DNAH8: variants seen among roughly 807,000 people sequenced by gnomAD.
The protein encoded by DNAH8 is axonemal beta dynein heavy chain 8.
A neutral mutation model predicts 562.1 loss-of-function variants in DNAH8; 382 were observed. The observed-to-expected ratio is 0.68, with a 90% CI of 0.63 to 0.74. DNAH8 has a LOEUF of 0.74. DNAH8 is among the 30% of genes least tolerant of loss of function. The probability of loss-of-function intolerance (pLI) is 0.00; values close to 1 mark genes in which losing one functional copy is unlikely to be tolerated. For synonymous variants in DNAH8, 1,881 were observed against 1,919.4 expected, an observed-to-expected ratio of 0.98 and a Z score of 0.52; for missense variants, 5,203 against 5,620.4, an observed-to-expected ratio of 0.93 and a Z score of 2.37.
chr6:38,838,128 C>A, intron 33 of DNAH8, 86 bp downstream of exon 33: 1 of 831,350 alleles, frequency 1.2e-6, no homozygotes, highest in South Asian at 1.6e-5. Flanking sequence ...AATCCTTTAT[C>A]ATGCAGAGGA....
chr6:38,963,491 A>G (rs1762767144), intron 82 of DNAH8, among the ~76,000 whole-genome samples: 1 of 129,544 alleles, frequency 7.7e-6, no homozygotes, highest in South Asian at 2.9e-4. Flanking sequence ...CAGCCTCCCA[A>G]GTAGCTGGGA....
At chr6:38,778,631 A>T (rs779469491) in intron 14 of DNAH8, among the ~76,000 whole-genome samples, 167 bp downstream of exon 14, 6 of 152,238 alleles carry the variant, frequency 3.9e-5, no homozygotes, top group Non-Finnish European at 7.3e-5. Flanking sequence ...GATTTGAAAT[A>T]AAGAATGATA....
At chr6:39,011,790 G>T (rs1406136767) in intron 89 of DNAH8, among the ~76,000 whole-genome samples, 1 of 152,184 alleles carries the variant, frequency 6.6e-6, no homozygotes, top group Non-Finnish European at 1.5e-5. Context: ...GCTCTGTAAA[G>T]ATTTTTGCTG....
Position 38,894,851 on chromosome 6 carries a change from G to A in DNAH8, c.8734G>A (p.Val2912Ile). The A allele has an allele frequency of 6.2e-7, 1 of 1,613,654 alleles. No homozygotes were observed. The highest frequency in any genetic ancestry group is 8.5e-7 in the Non-Finnish European group (1 of 1,179,862). Residue 2912 changes from valine to isoleucine, a missense_variant, in exon 59 of 93, where the codon GTA becomes ATA. This residue lies in a region of DNAH8 where 977 missense variants were observed against 1,061.8 expected (regional missense o/e 0.92). Coordinates refer to ENST00000327475, the MANE Select transcript of DNAH8 (RefSeq NM_001206927.2). ...LSLFKHECSR[V>I]IADRFITPED... ...CCTTTTCAAACACGAGTGCAGCAGAGTAATTGCAGACAGGTGCGTGTTGCG... is the reference window on the plus strand; with the variant it reads ...CCTTTTCAAACACGAGTGCAGCAGAATAATTGCAGACAGGTGCGTGTTGCG...
chr6:38,863,381 C>T (rs951346469), intron 44 of DNAH8, among the ~76,000 whole-genome samples: 1 of 151,872 alleles, frequency 6.6e-6, no homozygotes. Flanking sequence ...GAGCCGAGAT[C>T]TTGCCACTGC....
intron 1 of DNAH8, among the ~76,000 whole-genome samples, chr6:38,715,929 T>TAA (rs1562520234): frequency 0.018 from 500 of 28,158 alleles, 9 homozygotes; most frequent in Middle Eastern, 0.022. Flanking sequence ...TAAATAAATA[T>TAA]ATATATATAT....
intron 25 of DNAH8, among the ~76,000 whole-genome samples, chr6:38,814,646 G>A (rs911341706): frequency 6.6e-6 from 1 of 152,100 alleles, no homozygotes; most frequent in African/African-American, 2.4e-5. Flanking sequence ...AATTGAGTTA[G>A]GCATCTGTTC....
chr6:38,837,373 T>C (rs949236012), intron 32 of DNAH8, among the ~76,000 whole-genome samples: 15 of 152,356 alleles, frequency 9.8e-5, no homozygotes, highest in Middle Eastern at 3.4e-3. Flanking sequence ...CTTTGAACAT[T>C]GCTAATATTT....
intron 70 of DNAH8, among the ~76,000 whole-genome samples, chr6:38,919,278 T>C (rs1781524705): frequency 1.3e-5 from 2 of 152,224 alleles, no homozygotes; most frequent in South Asian, 4.1e-4. Flanking sequence ...TTTGAGATTG[T>C]GATACATGCT....
In DNAH8 at chr6:38,872,656, G is replaced by A. The variant is rs1777559401; in HGVS notation, c.7111G>A (p.Glu2371Lys). ...AQTECGRPHR[E>K]MRMNPKAITA... is the part of the protein sequence containing the mutation. ...AACAGAATGCGGAAGGCCTCATAGA[G>A]AAATGCGAATGAATCCAAAAGCCAT... The change falls in exon 50 of 93, where the codon GAA becomes AAA. Residue 2371 changes from glutamate to lysine, a missense_variant. This residue lies in a region of DNAH8 where 2,176 missense variants were observed against 2,365.1 expected (regional missense o/e 0.92). Transcript: ENST00000327475. 6.2e-7 allele frequency: 1 copy of A among 1,613,980 alleles called. No homozygotes were observed. The highest frequency in any genetic ancestry group is 1.3e-5 in the African/African-American group (1 of 74,924).
intron 17 of DNAH8, among the ~76,000 whole-genome samples, chr6:38,785,175 T>C (rs1163900438): frequency 6.6e-6 from 1 of 152,230 alleles, no homozygotes; most frequent in Non-Finnish European, 1.5e-5. Flanking sequence ...TAGAATTCTT[T>C]AACTTCTTTC....
At chr6:38,735,323 A>T (rs987626604) in intron 5 of DNAH8, among the ~76,000 whole-genome samples, 1 of 152,204 alleles carries the variant, frequency 6.6e-6, no homozygotes, top group Non-Finnish European at 1.5e-5. Flanking sequence ...CTGAAGTCTA[A>T]TCTTGTTCCT....
chr6:38,842,899 T>C lies in DNAH8; in HGVS notation c.4841T>C (p.Ile1614Thr), dbSNP rs747001373. ...CCACTCCTTAAACATAAGGATGATA[T>C]TGAGGTACATAAGTGTATACGTTCT... Reference protein sequence around the residue: ...EAPLLKHKDDIEDICISAIKE... With the variant: ...EAPLLKHKDDTEDICISAIKE... The change falls in exon 35 of 93, where the codon ATT (isoleucine) becomes ACT (threonine). Residue 1614 changes from isoleucine to threonine, a missense_variant. Physicochemically the swap from Ile to Thr is moderately conservative, Grantham distance 89. Transcript: ENST00000327475. 6 of 1,613,294 alleles carry C rather than the reference T, an allele frequency of 3.7e-6. No individual in the cohort carries two copies. The highest frequency in any genetic ancestry group is 5.1e-6 in the Non-Finnish European group (6 of 1,179,596).
intron 62 of DNAH8, among the ~76,000 whole-genome samples, chr6:38,900,484 G>T (rs1370231276): frequency 6.6e-6 from 1 of 152,186 alleles, no homozygotes; most frequent in Non-Finnish European, 1.5e-5. Context: ...TAGGTTATCT[G>T]TATATTTAGC....
chr6:38,815,361 T>C, intron 25 of DNAH8, 107 bp from the exon 26 acceptor site: 1 of 812,242 alleles, frequency 1.2e-6, no homozygotes, highest in South Asian at 1.8e-5. Context: ...AGCCTTGCAC[T>C]GGGCCAGCCG....
At chr6:38,887,833 C>CTTT (rs538279493) in intron 57 of DNAH8, among the ~76,000 whole-genome samples, 5 of 120,862 alleles carry the variant, frequency 4.1e-5, no homozygotes, top group African/African-American at 9.2e-5. Flanking sequence ...AAAGGGCAGA[C>CTTT]TTTTTTTTTT....
chr6:38,770,312 C>G, intron 11 of DNAH8, 101 bp from the exon 12 acceptor site: 1 of 630,614 alleles, frequency 1.6e-6, no homozygotes, highest in Non-Finnish European at 2.6e-6. Flanking sequence ...TACAGATTTT[C>G]ACAGTTTGAT....
chr6:38,877,897 G>A (rs563231515), intron 53 of DNAH8, among the ~76,000 whole-genome samples: 4 of 152,314 alleles, frequency 2.6e-5, no homozygotes, highest in South Asian at 2.1e-4. Flanking sequence ...TGAAATCACC[G>A]AGGGAAGTGA....
intron 21 of DNAH8, among the ~76,000 whole-genome samples, chr6:38,794,657 G>A (rs1770061757): frequency 6.6e-6 from 1 of 152,164 alleles, no homozygotes; most frequent in African/African-American, 2.4e-5. Flanking sequence ...GAATGGTGCA[G>A]AATATATTCT....
Sources: allele counts gnomAD v4.1 joint callset (sites outside exome capture counted in the v4.1 genomes callset), GRCh38; gene constraint gnomAD v4.1.1; regional missense constraint gnomAD v4.1.1; transcripts MANE v1.5; gene names NCBI Gene and HGNC (gene_info 2026-07-23, HGNC 2026-07-21).